The following BLTP3A variants were observed in gnomAD, a reference collection of about 807,000 sequenced individuals.
The protein encoded by BLTP3A is bridge-like lipid transfer protein family member 3A.
At chr6:34,853,643 C>T in the BLTP3A span, among the ~76,000 whole-genome samples, 1 of 152,206 alleles carries the variant, frequency 6.6e-6, no homozygotes, top group African/African-American at 2.4e-5. Flanking sequence ...TCACTGCAAC[C>T]TCTGCCTCCC....
the BLTP3A span, chr6:34,864,191 G>T: frequency 6.2e-7 from 1 of 1,613,572 alleles, no homozygotes; most frequent in African/African-American, 1.3e-5. Context: ...TGATGCTCTT[G>T]GAGTCTGGTA....
At chr6:34,839,813 C>G in the BLTP3A span, among the ~76,000 whole-genome samples, 1 of 152,372 alleles carries the variant, frequency 6.6e-6, no homozygotes, top group Admixed American at 6.5e-5. Context: ...CTCTTTCCCT[C>G]TGGGCACAAC....
chr6:34,851,999 T>C, the BLTP3A span, among the ~76,000 whole-genome samples: 1 of 152,198 alleles, frequency 6.6e-6, no homozygotes, highest in Non-Finnish European at 1.5e-5. Flanking sequence ...CTCTCAGGTC[T>C]GGGTCTCTCC....
chr6:34,801,744 C>T, the BLTP3A span, among the ~76,000 whole-genome samples: 9 of 151,800 alleles, frequency 5.9e-5, no homozygotes, highest in African/African-American at 2.2e-4. Context: ...TTTTTTGAGA[C>T]GGAGTCTCGC....
the BLTP3A span, among the ~76,000 whole-genome samples, chr6:34,801,794 T>C: frequency 6.6e-6 from 1 of 152,146 alleles, no homozygotes; most frequent in East Asian, 1.9e-4. Context: ...CCATCTCCGC[T>C]CACTGCAAGC....
the BLTP3A span, among the ~76,000 whole-genome samples, chr6:34,807,728 AT>A: frequency 6.6e-6 from 1 of 152,168 alleles, no homozygotes; most frequent in African/African-American, 2.4e-5. Flanking sequence ...TGAAAGAAAT[AT>A]GGGAATATCT....
At chr6:34,857,985 C>G in the BLTP3A span, 2 of 1,580,650 alleles carry the variant, frequency 1.3e-6, no homozygotes, top group Admixed American at 1.8e-5. Flanking sequence ...TGGATATAAT[C>G]CATGGTTTTG....
At chr6:34,837,044 T>C in the BLTP3A span, among the ~76,000 whole-genome samples, 3 of 152,208 alleles carry the variant, frequency 2.0e-5, no homozygotes. Context: ...AATGAGCCAA[T>C]AGGCTGAATT....
chr6:34,811,681 C>G, the BLTP3A span, among the ~76,000 whole-genome samples: 2 of 114,090 alleles, frequency 1.8e-5, no homozygotes, highest in African/African-American at 4.1e-5. Context: ...GAGACCCCCC[C>G]CCCCGCATCT....
chr6:34,797,237 T>C, the BLTP3A span, among the ~76,000 whole-genome samples: 7 of 152,332 alleles, frequency 4.6e-5, no homozygotes, highest in African/African-American at 1.7e-4. Flanking sequence ...AATTATTTAT[T>C]TTAAATGACC....
the BLTP3A span, among the ~76,000 whole-genome samples, chr6:34,803,719 A>G: frequency 6.6e-6 from 1 of 152,140 alleles, no homozygotes; most frequent in African/African-American, 2.4e-5. Context: ...TTTCTGTGGC[A>G]TTGGGGACAG....
At chr6:34,797,746 G>A in the BLTP3A span, among the ~76,000 whole-genome samples, 1 of 152,166 alleles carries the variant, frequency 6.6e-6, no homozygotes, top group African/African-American at 2.4e-5. Flanking sequence ...ATAGCCCACT[G>A]TGCTAATAAG....
At chr6:34,800,283 T>C in the BLTP3A span, among the ~76,000 whole-genome samples, 1 of 152,236 alleles carries the variant, frequency 6.6e-6, no homozygotes, top group South Asian at 2.1e-4. Context: ...ATAATCTGGG[T>C]ATGGCATTAA....
At chr6:34,835,495 GC>G in the BLTP3A span, 1 of 1,604,006 alleles carries the variant, frequency 6.2e-7, no homozygotes, top group Admixed American at 1.7e-5. Context: ...CCTTAGTGGG[GC>G]TAGGGACTCA....
the BLTP3A span, chr6:34,875,626 GC>G: frequency 9.9e-5 from 15 of 152,134 alleles, no homozygotes; most frequent in Non-Finnish European, 1.9e-4. Context: ...GGAGTCCAGA[GC>G]TCTTGTCCAT....
At chr6:34,792,205 C>T in the BLTP3A span, 3 of 1,527,364 alleles carry the variant, frequency 2.0e-6, no homozygotes, top group Non-Finnish European at 2.6e-6. Flanking sequence ...CTGAGGAGGC[C>T]ACAGCTGCCG....
At chr6:34,798,374 A>C in the BLTP3A span, among the ~76,000 whole-genome samples, 1 of 152,186 alleles carries the variant, frequency 6.6e-6, no homozygotes, top group Non-Finnish European at 1.5e-5. Flanking sequence ...CCTTTAAACA[A>C]ATGTACGCAT....
the BLTP3A span, among the ~76,000 whole-genome samples, chr6:34,852,574 C>T: frequency 6.8e-6 from 1 of 148,112 alleles, no homozygotes; most frequent in Non-Finnish European, 1.5e-5. Context: ...CCTCTCCTCT[C>T]CTCTCCTCAG....
the BLTP3A span, among the ~76,000 whole-genome samples, chr6:34,832,624 G>C: frequency 1.6e-4 from 24 of 151,430 alleles, no homozygotes; most frequent in African/African-American, 5.3e-4. Context: ...TTTTTGTAGA[G>C]AGTTTTTGTA....
Sources: allele counts gnomAD v4.1 joint callset (sites outside exome capture counted in the v4.1 genomes callset), GRCh38; gene constraint gnomAD v4.1.1; transcripts MANE v1.5; gene names NCBI Gene and HGNC (gene_info 2026-07-23, HGNC 2026-07-21).